The following TENM2 variants were observed in gnomAD, a reference collection of about 807,000 sequenced individuals.
TENM2 encodes teneurin transmembrane protein 2.
In TENM2, 52 loss-of-function variants were observed where a neutral mutation model predicts 245.2. The ratio of observed to expected loss-of-function variants is 0.21; its 90% confidence interval spans 0.17 to 0.27. The LOEUF (loss-of-function observed/expected upper bound fraction) is 0.27. TENM2 is among the 10% of genes least tolerant of loss of function. The probability of loss-of-function intolerance (pLI) is 1.00; values close to 1 mark genes in which losing one functional copy is unlikely to be tolerated. For synonymous variants in TENM2, 1,363 were observed against 1,438.9 expected, an observed-to-expected ratio of 0.95 and a Z score of 1.19; for missense variants, 3,046 against 3,666.8, an observed-to-expected ratio of 0.83 and a Z score of 4.37.
rs764875399 is a variant in TENM2, at chr5:168,244,641, C to T, written c.5742C>T (p.Asp1914=). 1 of 1,567,338 alleles carries T rather than the reference C, an allele frequency of 6.4e-7. No homozygotes were observed. The highest frequency in any genetic ancestry group is 1.2e-5 in the South Asian group (1 of 85,582). Reference sequence around the variant, plus strand: ...GTGGGGCCATGAGCGAGAGGACAGACATCGACAAGCAAGGCCGCATCGTGT... The same window carrying T: ...GTGGGGCCATGAGCGAGAGGACAGATATCGACAAGCAAGGCCGCATCGTGT... Residue 1914 remains aspartate (D), a synonymous_variant, in exon 26 of 29, where the codon GAC becomes GAT. Coordinates refer to ENST00000518659, the Ensembl canonical transcript of TENM2. This position sits in a 1 kb window ranked among gnomAD's most constrained non-coding sequence, Gnocchi z 4.9.
chr5:167,032,511 A>G, the TENM2 span, among the ~76,000 whole-genome samples: 1 of 152,230 alleles, frequency 6.6e-6, no homozygotes, highest in Non-Finnish European at 1.5e-5. Flanking sequence ...TATAGTTCAC[A>G]ATAAAGTCAG....
chr5:167,073,185 T>G, the TENM2 span, among the ~76,000 whole-genome samples: 12 of 152,326 alleles, frequency 7.9e-5, no homozygotes, highest in African/African-American at 2.4e-4. Context: ...TGCATTTTTT[T>G]GGGTTTGCTT....
chr5:168,120,703 AT>A (rs1163763983), intron 10 of TENM2, among the ~76,000 whole-genome samples: 1 of 152,220 alleles, frequency 6.6e-6, no homozygotes, highest in East Asian at 1.9e-4. Flanking sequence ...AACCGAGGTG[AT>A]TCATATGCTG....
At chr5:167,354,745 A>G (rs887355639) in intron 1 of TENM2, among the ~76,000 whole-genome samples, 1 of 152,170 alleles carries the variant, frequency 6.6e-6, no homozygotes, top group Non-Finnish European at 1.5e-5. Context: ...CCTTCTTCAT[A>G]GTTTTGTTCT....
In TENM2 at chr5:167,342,846, C is replaced by T. The variant is rs191924179; in HGVS notation, c.227-32352C>T. On this transcript the variant is annotated intron_variant, in intron 1 of 28. Coordinates refer to ENST00000518659, the Ensembl canonical transcript of TENM2. ...CCGGCCAAAGTTATTCTTTATCGTC[C>T]TTTCCATGATGCATTTTTTTTTTTT... 8.5e-5 allele frequency among the ~76,000 whole-genome samples: 12 copies of T among 141,688 alleles called. No homozygotes were observed. In the Admixed American group the frequency reaches 9.1e-4, roughly 11 times the overall value. 93.0% of individuals were successfully genotyped at this position (141,688 alleles called of 152,430 possible).
At chr5:168,254,209 G>GGCGGTGCC (rs1767427696) in intron 27 of TENM2, among the ~76,000 whole-genome samples, 1 of 152,246 alleles carries the variant, frequency 6.6e-6, no homozygotes, top group Non-Finnish European at 1.5e-5. Context: ...TGAGCTATTA[G>GGCGGTGCC]GCGGTGCCAC....
At chr5:167,621,870 G>A (rs1031876356) in intron 2 of TENM2, among the ~76,000 whole-genome samples, 19 of 152,232 alleles carry the variant, frequency 1.2e-4, no homozygotes, top group Non-Finnish European at 2.2e-4. Flanking sequence ...TGAGAGTAGA[G>A]TTGTTAACAT....
At chr5:167,135,309 C>T in the TENM2 span, among the ~76,000 whole-genome samples, 5 of 152,110 alleles carry the variant, frequency 3.3e-5, no homozygotes, top group Admixed American at 6.5e-5. Context: ...AATTGCGCCC[C>T]GAAACATTTT....
At chr5:168,050,092 T>C (rs1343066412) in intron 6 of TENM2, among the ~76,000 whole-genome samples, 1 of 152,176 alleles carries the variant, frequency 6.6e-6, no homozygotes, top group Admixed American at 6.5e-5. Context: ...CATGAGCCAC[T>C]GTGCCCAGCA....
chr5:167,197,195 A>G, the TENM2 span, among the ~76,000 whole-genome samples: 1 of 152,086 alleles, frequency 6.6e-6, no homozygotes, highest in African/African-American at 2.4e-5. Context: ...AGATTAAGTA[A>G]CCTAACAGGG....
chr5:168,143,264 CT>C (rs35494533), intron 12 of TENM2, among the ~76,000 whole-genome samples: 29,413 of 144,300 alleles, frequency 0.2, 3,428 homozygotes, highest in East Asian at 0.33. Flanking sequence ...AAGTCTTACT[CT>C]TTTTTTTTTT....
At chr5:167,861,953 C>T (rs1771854518) in intron 2 of TENM2, among the ~76,000 whole-genome samples, 1 of 152,198 alleles carries the variant, frequency 6.6e-6, no homozygotes, top group Admixed American at 6.5e-5. Context: ...GTGTTTATCT[C>T]CTGCCTGCAT....
intron 3 of TENM2, among the ~76,000 whole-genome samples, chr5:167,917,208 C>T (rs1304867857): frequency 6.6e-6 from 1 of 152,228 alleles, no homozygotes; most frequent in African/African-American, 2.4e-5. Context: ...CACTAAGAGA[C>T]TTGCTCACCA....
intron 1 of TENM2, among the ~76,000 whole-genome samples, chr5:167,356,145 G>A (rs750054867): frequency 1.6e-5 from 2 of 128,768 alleles, no homozygotes; most frequent in Non-Finnish European, 3.1e-5. Flanking sequence ...TGGAGATGGG[G>A]CCACTGCACT....
intron 2 of TENM2, among the ~76,000 whole-genome samples, chr5:167,385,326 T>C (rs2127347719): frequency 6.6e-6 from 1 of 152,026 alleles, no homozygotes; most frequent in South Asian, 2.1e-4. Context: ...CTCTAATCTT[T>C]TATATTTTTA....
intron 8 of TENM2, among the ~76,000 whole-genome samples, chr5:168,092,537 T>C (rs922831957): frequency 2.0e-5 from 3 of 152,168 alleles, no homozygotes; most frequent in Non-Finnish European, 4.4e-5. Flanking sequence ...TCTAAAGTCA[T>C]GTCATAAACT....
At chr5:167,972,783 A>AT (rs997168599) in intron 4 of TENM2, among the ~76,000 whole-genome samples, 1 of 151,934 alleles carries the variant, frequency 6.6e-6, no homozygotes. Flanking sequence ...AATTAAGAGG[A>AT]TTTTTTTTCA....
intron 2 of TENM2, among the ~76,000 whole-genome samples, chr5:167,404,138 C>T (rs1233360904): frequency 6.6e-6 from 1 of 151,894 alleles, no homozygotes; most frequent in Non-Finnish European, 1.5e-5. Flanking sequence ...CAAGATGTGC[C>T]ATCTGTGCCT....
intron 2 of TENM2, among the ~76,000 whole-genome samples, chr5:167,560,315 T>G (rs1773504918): frequency 1.3e-5 from 2 of 152,230 alleles, no homozygotes; most frequent in East Asian, 1.9e-4. Flanking sequence ...TACCTATTTC[T>G]GTATTATACT....
Sources: allele counts gnomAD v4.1 joint callset (sites outside exome capture counted in the v4.1 genomes callset), GRCh38; gene constraint gnomAD v4.1.1; non-coding constraint Gnocchi (gnomAD v3.1); transcripts MANE v1.5; gene names NCBI Gene and HGNC (gene_info 2026-07-23, HGNC 2026-07-21).